Variants in FALEC observed in about 807,000 individuals in gnomAD.
FALEC encodes focally amplified lncRNA on chromosome 1.
downstream of FALEC, among the ~76,000 whole-genome samples, chr1:150,522,866 C>CAT (rs1670663924): frequency 4.4e-5 from 4 of 91,454 alleles, no homozygotes; most frequent in Non-Finnish European, 6.3e-5. Flanking sequence ...TATATATATA[C>CAT]GTATATATAC....
At chr1:150,519,755 G>C (rs942495800), downstream of FALEC, among the ~76,000 whole-genome samples, 3 of 152,186 alleles carry the variant, frequency 2.0e-5, no homozygotes, top group African/African-American at 7.2e-5. Context: ...TACTCGGGAG[G>C]CTGAGGCAGG....
At chr1:150,516,186 G>T (rs1670566853) in intron 1 of FALEC, 2 of 152,252 alleles carry the variant, frequency 1.3e-5, no homozygotes, top group Non-Finnish European at 2.9e-5. Context: ...CCGGGAGGCG[G>T]AGGCTGCAGT....
chr1:150,522,734 G>A (rs1670659661), downstream of FALEC, among the ~76,000 whole-genome samples: 1 of 150,732 alleles, frequency 6.6e-6, no homozygotes, highest in Admixed American at 6.7e-5. Context: ...TGTACTGTAA[G>A]TGTAAAATAC....
At chr1:150,522,966 TATATATATATATATA>T, downstream of FALEC, among the ~76,000 whole-genome samples, 1 of 43,622 alleles carries the variant, frequency 2.3e-5, no homozygotes, top group African/African-American at 1.0e-4. Context: ...TATATATATA[TATATATATATATATA>T]TATTTTTTTT....
the FALEC span, among the ~76,000 whole-genome samples, chr1:150,535,521 C>T: frequency 4.6e-5 from 7 of 152,284 alleles, no homozygotes; most frequent in East Asian, 7.7e-4. Flanking sequence ...TGGGATTACA[C>T]GCGTGAGCCA....
the FALEC span, among the ~76,000 whole-genome samples, chr1:150,534,636 A>C: frequency 6.6e-6 from 1 of 151,910 alleles, no homozygotes. Flanking sequence ...GAGGTCAGGA[A>C]ATCGAGACCA....
chr1:150,518,453 C>T (rs1458327218), downstream of FALEC, among the ~76,000 whole-genome samples: 2 of 150,944 alleles, frequency 1.3e-5, no homozygotes, highest in Admixed American at 6.6e-5. Flanking sequence ...GGCGTGATCT[C>T]GGCTCACCGC....
the FALEC span, among the ~76,000 whole-genome samples, chr1:150,530,974 G>A: frequency 8.8e-3 from 1,338 of 152,240 alleles, 25 homozygotes; most frequent in African/African-American, 0.03. Flanking sequence ...GCAGCCTCTG[G>A]GGACAGGCCT....
At chr1:150,523,097 C>T in the FALEC span, among the ~76,000 whole-genome samples, 18 of 140,712 alleles carry the variant, frequency 1.3e-4, no homozygotes, top group African/African-American at 4.0e-4. Context: ...AAGCGATTCT[C>T]CTGCCTCAGC....
At position 150,516,870 on chromosome 1, in the gene FALEC, T is replaced by C. The variant is rs148761335; in HGVS notation, n.306+808T>C. Among the ~76,000 whole-genome samples, 257 of 152,288 alleles carry C rather than the reference T, an allele frequency of 1.7e-3. 1 individual carries two copies. The highest frequency in any genetic ancestry group is 5.8e-3 in the African/African-American group (243 of 41,556). On this transcript the variant is annotated intron_variant and non_coding_transcript_variant, in intron 1 of 1. Coordinates refer to ENST00000416894, the Ensembl canonical transcript of FALEC. Reference sequence around the variant, plus strand: ...CTATAACGAAGACTACAACACCACCTTCAGGGACTTTAGCGTCTGTGGAGA... The same window carrying C: ...CTATAACGAAGACTACAACACCACCCTCAGGGACTTTAGCGTCTGTGGAGA...
downstream of FALEC, among the ~76,000 whole-genome samples, chr1:150,521,738 C>G (rs1670646167): frequency 6.6e-6 from 1 of 152,126 alleles, no homozygotes; most frequent in South Asian, 2.1e-4. Context: ...ATCAAGTGTC[C>G]ATATTTGCAT....
the FALEC span, among the ~76,000 whole-genome samples, chr1:150,534,017 A>C: frequency 6.6e-6 from 1 of 152,192 alleles, no homozygotes; most frequent in Admixed American, 6.5e-5. Context: ...CGTGGGGAGA[A>C]AGGTGCTGAA....
chr1:150,531,108 C>T, the FALEC span, among the ~76,000 whole-genome samples: 4 of 152,196 alleles, frequency 2.6e-5, no homozygotes, highest in Non-Finnish European at 5.9e-5. Context: ...GGCATTCACA[C>T]ATCTAAGGGA....
downstream of FALEC, among the ~76,000 whole-genome samples, chr1:150,522,945 GTGTGTATATATATATATATATA>G (rs1670671803): frequency 1.1e-4 from 1 of 8,698 alleles, no homozygotes; most frequent in Non-Finnish European, 1.8e-4. Flanking sequence ...GTGTGTGTGT[GTGTGTATATATATATATATATA>G]TATATATATA....
chr1:150,528,278 T>G, the FALEC span, among the ~76,000 whole-genome samples: 22 of 152,262 alleles, frequency 1.4e-4, no homozygotes, highest in African/African-American at 5.1e-4. Context: ...GAGAGAGAAG[T>G]GAAGAAAATT....
At chr1:150,516,267 G>T (rs1198613657) in intron 1 of FALEC, among the ~76,000 whole-genome samples, 2 of 152,088 alleles carry the variant, frequency 1.3e-5, no homozygotes, top group Non-Finnish European at 2.9e-5. Context: ...AGGGAGCGGG[G>T]GGGCTTTGGT....
the FALEC span, among the ~76,000 whole-genome samples, chr1:150,535,060 G>A: frequency 1.1e-4 from 17 of 152,172 alleles, no homozygotes; most frequent in South Asian, 2.1e-4. Flanking sequence ...GATGCAAAGC[G>A]GCTGAGGGCC....
At chr1:150,520,528 T>C (rs59898460), downstream of FALEC, among the ~76,000 whole-genome samples, 45,645 of 152,108 alleles carry the variant, frequency 0.3, 8,333 homozygotes, top group Non-Finnish European at 0.4. Context: ...CATATTCCAT[T>C]GTATGTGTAT....
the FALEC span, among the ~76,000 whole-genome samples, chr1:150,526,916 G>A: frequency 6.6e-6 from 1 of 151,812 alleles, no homozygotes; most frequent in Non-Finnish European, 1.5e-5. Context: ...TTACAGGTGT[G>A]AGCCACCACG....
Sources: gnomAD v4.1 joint callset for allele counts (sites outside exome capture counted in the v4.1 genomes callset) on GRCh38, gnomAD v4.1.1 for gene constraint, MANE v1.5 for transcripts, NCBI Gene and HGNC (gene_info 2026-07-23, HGNC 2026-07-21) for gene names.